AFG1L: variants seen among roughly 807,000 people sequenced by gnomAD.
The protein encoded by AFG1L is AFG1 like ATPase, also known as AFG1-like ATPase.
In AFG1L, 53 loss-of-function variants were observed where a neutral mutation model predicts 62.2. The observed-to-expected ratio is 0.85, with a 90% CI of 0.68 to 1.07. The LOEUF is 1.07. AFG1L is among the 50% of genes least tolerant of loss of function. AFG1L has a pLI of 0.00. For synonymous variants in AFG1L, 228 were observed against 210.3 expected (o/e 1.08, Z -0.73); for missense variants, 555 against 590.5 (o/e 0.94, Z 0.62).
intron 5 of AFG1L, among the ~76,000 whole-genome samples, chr6:108,364,264 T>C (rs899205532): frequency 1.3e-5 from 2 of 152,298 alleles, no homozygotes; most frequent in African/African-American, 4.8e-5. Context: ...AGAGTATACA[T>C]TGGCACCCGG....
intron 1 of AFG1L, among the ~76,000 whole-genome samples, chr6:108,304,311 TG>T (rs1777122715): frequency 6.6e-6 from 1 of 152,214 alleles, no homozygotes; most frequent in African/African-American, 2.4e-5. Context: ...TTAATGTCAA[TG>T]GTAAGTCTGA....
intron 8 of AFG1L, among the ~76,000 whole-genome samples, chr6:108,467,390 C>T (rs1047671912): frequency 7.9e-5 from 12 of 151,878 alleles, no homozygotes; most frequent in African/African-American, 2.9e-4. Flanking sequence ...GGATTACAGG[C>T]CCCCGCCACC....
chr6:108,314,715 A>G (rs933762725), intron 1 of AFG1L, among the ~76,000 whole-genome samples: 3 of 151,994 alleles, frequency 2.0e-5, no homozygotes, highest in Non-Finnish European at 2.9e-5. Context: ...TGCTTCTTAG[A>G]GGGGTTAAGT....
chr6:108,429,438 C>T (rs996202746), intron 7 of AFG1L, among the ~76,000 whole-genome samples: 10 of 152,134 alleles, frequency 6.6e-5, no homozygotes, highest in South Asian at 2.1e-4. Context: ...AGGAAGAACA[C>T]GGGAAAGACC....
chr6:108,435,255 A>C (rs752615615), intron 7 of AFG1L, among the ~76,000 whole-genome samples: 11 of 152,222 alleles, frequency 7.2e-5, no homozygotes, highest in Non-Finnish European at 1.6e-4. Context: ...GGTGGGATAC[A>C]GCTGGTCTGG....
chr6:108,447,472 A>G (rs1771863924), intron 8 of AFG1L, among the ~76,000 whole-genome samples, 176 bp downstream of exon 8: 1 of 152,204 alleles, frequency 6.6e-6, no homozygotes. Flanking sequence ...CCATATTTGC[A>G]TCATTTATAA....
intron 6 of AFG1L, chr6:108,372,917 A>G (rs772123036): frequency 1.3e-5 from 2 of 151,398 alleles, no homozygotes; most frequent in Non-Finnish European, 2.9e-5. Context: ...GAGGCCCTCC[A>G]TCCAGAACAT....
intron 8 of AFG1L, among the ~76,000 whole-genome samples, chr6:108,464,391 C>G (rs1408870626): frequency 6.6e-6 from 1 of 152,106 alleles, no homozygotes; most frequent in East Asian, 1.9e-4. Flanking sequence ...GAAATTTTCT[C>G]AAAATGGAAA....
At chr6:108,498,448 A>G (rs983407406) in intron 10 of AFG1L, among the ~76,000 whole-genome samples, 2 of 152,304 alleles carry the variant, frequency 1.3e-5, no homozygotes, top group South Asian at 2.1e-4. Context: ...AATAACCCAA[A>G]CATTTTTAAA....
chr6:108,405,378 C>T (rs376514765), intron 7 of AFG1L, among the ~76,000 whole-genome samples: 3 of 152,180 alleles, frequency 2.0e-5, no homozygotes, highest in Non-Finnish European at 2.9e-5. Context: ...CAGGGTCTCA[C>T]GCTGTTGCCT....
chr6:108,324,251 T>C (rs1268492244), intron 2 of AFG1L, among the ~76,000 whole-genome samples: 4 of 152,222 alleles, frequency 2.6e-5, no homozygotes, highest in Non-Finnish European at 5.9e-5. Context: ...TAGCTTCATA[T>C]TTAGGTATTT....
Position 108,490,822 on chromosome 6 carries a change from G to A in AFG1L, c.1062+13530G>A, listed in dbSNP as rs552120102. Among the ~76,000 whole-genome samples the A allele has an allele frequency of 2.0e-5, 3 of 152,240 alleles. No homozygotes were observed. In the East Asian group the frequency reaches 5.8e-4, roughly 29 times the overall value. On this transcript the variant is annotated intron_variant, in intron 10 of 12. Transcript: ENST00000368977. ...ATAGATTTCTACTTCCCTACACTGG[G>A]CTATTTCCCTCTGTTGAAAACCCAC...
Position 108,489,659 on chromosome 6 carries a change from A to C in AFG1L, c.1062+12367A>C, listed in dbSNP as rs530757451. 3.9e-5 allele frequency among the ~76,000 whole-genome samples: 6 copies of C among 152,276 alleles called. No homozygotes were observed. In the South Asian group the frequency reaches 1.2e-3, roughly 32 times the overall value. ...GCACGAAACAAGATAAATAGAAGAG[A>C]AATCAGAGGATAGGGCATGGAGGAG... is the stretch of plus-strand genomic sequence containing the variant. On this transcript the variant is annotated intron_variant, in intron 10 of 12. Transcript: ENST00000368977.
intron 7 of AFG1L, among the ~76,000 whole-genome samples, chr6:108,444,226 T>G (rs1771671438): frequency 6.6e-6 from 1 of 152,204 alleles, no homozygotes; most frequent in Admixed American, 6.5e-5. Flanking sequence ...AAGGTTATAT[T>G]TATACTATAC....
At chr6:108,358,683 C>T (rs1379169155) in intron 5 of AFG1L, among the ~76,000 whole-genome samples, 1 of 152,172 alleles carries the variant, frequency 6.6e-6, no homozygotes, top group Admixed American at 6.5e-5. Context: ...AGGTGGGCGC[C>T]ACCATGCCCA....
chr6:108,371,111 C>T (rs962421341), intron 6 of AFG1L, among the ~76,000 whole-genome samples: 8 of 152,132 alleles, frequency 5.3e-5, no homozygotes, highest in African/African-American at 1.7e-4. Flanking sequence ...AAGGCCTCAC[C>T]CTCTGTACAC....
At chr6:108,376,122 A>G (rs773851163) in intron 6 of AFG1L, among the ~76,000 whole-genome samples, 1 of 152,028 alleles carries the variant, frequency 6.6e-6, no homozygotes, top group Non-Finnish European at 1.5e-5. Flanking sequence ...TTAGTCTCTG[A>G]GGATCTTTTG....
intron 10 of AFG1L, among the ~76,000 whole-genome samples, chr6:108,508,444 G>A (rs1357803061): frequency 6.6e-6 from 1 of 152,194 alleles, no homozygotes; most frequent in Admixed American, 6.5e-5. Flanking sequence ...AAATGGGAAG[G>A]GCGGAGCTTG....
intron 7 of AFG1L, among the ~76,000 whole-genome samples, chr6:108,406,368 T>C (rs1781857230): frequency 6.6e-6 from 1 of 151,942 alleles, no homozygotes; most frequent in Non-Finnish European, 1.5e-5. Flanking sequence ...GATATCTCAT[T>C]ATGGCTTTGA....
Sources: allele counts gnomAD v4.1 joint callset (sites outside exome capture counted in the v4.1 genomes callset), GRCh38; gene constraint gnomAD v4.1.1; transcripts MANE v1.5; gene names NCBI Gene and HGNC (gene_info 2026-07-23, HGNC 2026-07-21).